CXADR: variants seen among roughly 807,000 people sequenced by gnomAD.
CXADR encodes coxsackievirus and adenovirus receptor.
In CXADR, 20 loss-of-function variants were observed where a neutral mutation model predicts 40.3. The observed-to-expected ratio is 0.50, with a 90% confidence interval of 0.35 to 0.72. The LOEUF (loss-of-function observed/expected upper bound fraction) is 0.72, where lower values mean the gene tolerates loss of function less well. CXADR is among the 30% of genes least tolerant of loss of function. The pLI, the probability that CXADR is intolerant of heterozygous loss-of-function variation, is 0.01. For missense variants in CXADR, 332 were observed against 449.1 expected (o/e 0.74, Z 2.36); for synonymous variants, 150 against 161.3 (o/e 0.93, Z 0.53).
intron 1 of CXADR, among the ~76,000 whole-genome samples, chr21:17,523,160 A>G (rs969040629): frequency 2.0e-5 from 3 of 152,082 alleles, no homozygotes; most frequent in African/African-American, 7.2e-5. Context: ...TTACTGCAGC[A>G]TGTTCTAACC....
chr21:17,528,046 C>T lies in CXADR; in HGVS notation c.43+14874C>T, dbSNP rs191666573. ...TTTTAGCAATTTTACTTAGGCAGTG[C>T]TCTCCTTATGCTTAGTTCTTTCTTT... On this transcript the variant is annotated intron_variant, in intron 1 of 6. Coordinates refer to ENST00000284878, the MANE Select transcript of CXADR (RefSeq NM_001338.5). Among the ~76,000 whole-genome samples the T allele has an allele frequency of 3.9e-4, 55 of 139,770 alleles. 2 individuals carry two copies. Among genetic ancestry groups the T allele is most frequent in the Non-Finnish European group, 1.6e-4 (10 of 64,510 alleles). 91.7% of individuals were successfully genotyped at this position (139,770 alleles called of 152,430 possible). A position where few individuals can be genotyped will look rare whatever the true frequency, so the allele number is the denominator to read the frequency against.
rs2123333173 is a variant in CXADR at position 17,566,014 on chromosome 21, AACTT to A, written c.*327_*330del. On this transcript the variant is annotated 3_prime_UTR_variant, in exon 7 of 7. Coordinates refer to ENST00000284878, the MANE Select transcript of CXADR (RefSeq NM_001338.5). ...GAAATCATAGGTGAAGACATGGGTG[AACTT>A]ACTTGCATACCAAGTTGATACTTGA... 9.9e-7 allele frequency: 1 copy of A among 1,013,674 alleles called. No homozygotes were observed. The highest frequency in any genetic ancestry group is 1.7e-5 in the African/African-American group (1 of 58,504). 62.8% of individuals were successfully genotyped at this position (1,013,674 alleles called of 1,614,324 possible).
At chr21:17,581,565 C>A (rs1446245644) in intron 7 of CXADR, among the ~76,000 whole-genome samples, 1 of 152,102 alleles carries the variant, frequency 6.6e-6, no homozygotes, top group Non-Finnish European at 1.5e-5. Flanking sequence ...TTTGTAGGAC[C>A]AGACACGGTG....
the CXADR span, among the ~76,000 whole-genome samples, chr21:17,633,724 A>G: frequency 3.9e-5 from 6 of 152,176 alleles, no homozygotes; most frequent in Admixed American, 2.0e-4. Context: ...CTCAGAGCCC[A>G]GACTAACTTT....
the CXADR span, among the ~76,000 whole-genome samples, chr21:17,615,269 G>A: frequency 2.0e-5 from 3 of 152,136 alleles, no homozygotes; most frequent in Non-Finnish European, 2.9e-5. Flanking sequence ...CTGGTACCTT[G>A]ATCTTTAACT....
At chr21:17,533,613 T>C (rs2060706116) in intron 1 of CXADR, among the ~76,000 whole-genome samples, 1 of 152,086 alleles carries the variant, frequency 6.6e-6, no homozygotes, top group Non-Finnish European at 1.5e-5. Flanking sequence ...TTTCTTGGAG[T>C]TGTTATGAGA....
intron 3 of CXADR, among the ~76,000 whole-genome samples, chr21:17,556,621 G>T (rs2061039632): frequency 6.6e-6 from 1 of 152,100 alleles, no homozygotes; most frequent in Admixed American, 6.5e-5. Context: ...AGAGAACAAG[G>T]CTCATTTCAT....
intron 1 of CXADR, among the ~76,000 whole-genome samples, chr21:17,539,810 A>G (rs899265931): frequency 2.0e-5 from 3 of 152,154 alleles, no homozygotes; most frequent in African/African-American, 7.2e-5. Flanking sequence ...CGAATTCCCA[A>G]TATGTTTAAA....
chr21:17,634,636 A>T, the CXADR span, among the ~76,000 whole-genome samples: 1 of 152,254 alleles, frequency 6.6e-6, no homozygotes, highest in Non-Finnish European at 1.5e-5. Flanking sequence ...CATGCCTATG[A>T]TACATCACAG....
chr21:17,568,804 G>A lies in CXADR; in HGVS notation c.*3112G>A, dbSNP rs2061248969. ...CTCTCACTCCCCCACCCCCAAAAAT[G>A]TCTACTATTCATGACAGTAACCAAT... On this transcript the variant is annotated 3_prime_UTR_variant, in exon 7 of 7. Transcript: ENST00000284878. 1.0e-6 allele frequency: 1 copy of A among 984,852 alleles called. No individual in the cohort carries two copies. The highest frequency in any genetic ancestry group is 1.1e-4 in the East Asian group (1 of 8,780). The allele number at this position is 984,852 out of a possible 1,614,324, so 61.0% of individuals were successfully genotyped here. A position where few individuals can be genotyped will look rare whatever the true frequency, so the allele number is the denominator to read the frequency against.
At chr21:17,530,029 A>T (rs952521976) in intron 1 of CXADR, among the ~76,000 whole-genome samples, 1 of 150,472 alleles carries the variant, frequency 6.6e-6, no homozygotes, top group Non-Finnish European at 1.5e-5. Context: ...ACTCACTGCA[A>T]CCTACACCTC....
chr21:17,596,165 T>TA (rs1056209039), downstream of CXADR, among the ~76,000 whole-genome samples: 34 of 152,072 alleles, frequency 2.2e-4, no homozygotes, highest in East Asian at 9.6e-4. Context: ...TGAGCGATTT[T>TA]AAAAAAAGTA....
intron 1 of CXADR, among the ~76,000 whole-genome samples, chr21:17,542,819 G>A (rs1039522015): frequency 3.3e-5 from 5 of 152,168 alleles, no homozygotes; most frequent in Admixed American, 1.3e-4. Flanking sequence ...TAATCTACTT[G>A]CTGCATAAAT....
chr21:17,632,348 G>A, the CXADR span, among the ~76,000 whole-genome samples: 1 of 152,088 alleles, frequency 6.6e-6, no homozygotes, highest in Non-Finnish European at 1.5e-5. Context: ...AGCTCAGAGG[G>A]AAACTTAAGA....
At chr21:17,563,940 CAAAAAA>C (rs35020228) in intron 6 of CXADR, among the ~76,000 whole-genome samples, 19 of 37,222 alleles carry the variant, frequency 5.1e-4, no homozygotes, top group Non-Finnish European at 8.5e-4. Flanking sequence ...GACTCTGTCT[CAAAAAA>C]AAAAAAAAAA....
the CXADR span, chr21:17,604,361 C>T: frequency 1.0e-5 from 2 of 200,518 alleles, no homozygotes; most frequent in Admixed American, 1.1e-4. Flanking sequence ...AGGAGAATCA[C>T]TTGAACCCGG....
At chr21:17,532,245 G>T (rs945613019) in intron 1 of CXADR, among the ~76,000 whole-genome samples, 1 of 152,054 alleles carries the variant, frequency 6.6e-6, no homozygotes, top group Non-Finnish European at 1.5e-5. Context: ...CAGTTTTCTA[G>T]GTCTCATTCT....
At chr21:17,609,271 T>G in the CXADR span, 1 of 973,816 alleles carries the variant, frequency 1.0e-6, no homozygotes, top group African/African-American at 1.7e-5. Context: ...TTATCTTGTA[T>G]TTCTTTGGCT....
chr21:17,563,023 C>T (rs920239255), intron 6 of CXADR, among the ~76,000 whole-genome samples: 21 of 152,318 alleles, frequency 1.4e-4, no homozygotes, highest in African/African-American at 4.6e-4. Context: ...TTATCGTTCA[C>T]GTGTTCACTG....
Sources: gnomAD v4.1 joint callset for allele counts (sites outside exome capture counted in the v4.1 genomes callset) on GRCh38, gnomAD v4.1.1 for gene constraint, MANE v1.5 for transcripts, NCBI Gene and HGNC (gene_info 2026-07-23, HGNC 2026-07-21) for gene names.